XYLT1: variants seen among roughly 807,000 people sequenced by gnomAD.
XYLT1 encodes beta-D-xylosyltransferase 1.
XYLT1 carries 36 observed loss-of-function variants against 91.3 expected under a neutral mutation model. That is an observed-to-expected ratio of 0.39 (90% CI 0.30 to 0.52). XYLT1 has a LOEUF of 0.52. Ranked by LOEUF, XYLT1 falls within the 20% of genes least tolerant of loss-of-function variation. The pLI is 0.68. For missense variants in XYLT1, 1,242 were observed against 1,284.5 expected, an observed-to-expected ratio of 0.97 and a Z score of 0.51; for synonymous variants, 588 against 532.0, an observed-to-expected ratio of 1.11 and a Z score of -1.45.
At chr16:17,232,623 A>G (rs1480731243) in intron 3 of XYLT1, among the ~76,000 whole-genome samples, 1 of 151,624 alleles carries the variant, frequency 6.6e-6, no homozygotes, top group Non-Finnish European at 1.5e-5. Flanking sequence ...GATAGCTGTG[A>G]TGACTGTGAA....
At chr16:17,437,796 C>T (rs1011992259) in intron 1 of XYLT1, among the ~76,000 whole-genome samples, 5 of 152,162 alleles carry the variant, frequency 3.3e-5, no homozygotes, top group African/African-American at 9.7e-5. Context: ...TTAAAAAATA[C>T]AGTGAAGTTC....
At chr16:17,299,814 A>G (rs1362878306) in intron 2 of XYLT1, among the ~76,000 whole-genome samples, 4 of 152,204 alleles carry the variant, frequency 2.6e-5, no homozygotes, top group East Asian at 3.8e-4. Flanking sequence ...TTTCAGAAAG[A>G]CGAGGGACAC....
intron 3 of XYLT1, among the ~76,000 whole-genome samples, chr16:17,219,294 AAAAAAAAGAAAAAG>A (rs1286936476): frequency 4.1e-4 from 57 of 138,870 alleles, no homozygotes; most frequent in African/African-American, 1.7e-3. Context: ...AAAAAAAAAA[AAAAAAAAGAAAAAG>A]AAAAAAAAAG....
chr16:17,460,727 G>T (rs929462058), intron 1 of XYLT1, among the ~76,000 whole-genome samples: 7 of 152,214 alleles, frequency 4.6e-5, no homozygotes, highest in Admixed American at 4.6e-4. Context: ...CTGTATTGCC[G>T]GATCTTATGA....
chr16:17,132,998 C>G (rs1465272491), intron 9 of XYLT1, among the ~76,000 whole-genome samples: 1 of 152,318 alleles, frequency 6.6e-6, no homozygotes, highest in Non-Finnish European at 1.5e-5. Context: ...TTACTCTTCT[C>G]ATTTCACAGA....
chr16:17,314,014 C>G (rs2034589389), intron 2 of XYLT1, among the ~76,000 whole-genome samples: 1 of 152,208 alleles, frequency 6.6e-6, no homozygotes, highest in South Asian at 2.1e-4. Context: ...CTGGGAGGGT[C>G]AGGACACTGG....
In XYLT1 at chr16:17,197,012, A is replaced by C. The variant is rs556685482; in HGVS notation, c.1289+1200T>G. Reference sequence around the variant, plus strand: ...GGTGACAGAGCGAGACTCTGTCTCCAAAATATATATATATATATAGATATA... The same window carrying C: ...GGTGACAGAGCGAGACTCTGTCTCCCAAATATATATATATATATAGATATA... On this transcript the variant is annotated intron_variant, in intron 5 of 11. Transcript: ENST00000261381. 3.7e-3 allele frequency among the ~76,000 whole-genome samples: 331 copies of C among 89,512 alleles called. 15 individuals are homozygous for C. The highest frequency in any genetic ancestry group is 0.023 in the African/African-American group (317 of 14,080). The allele number at this position is 89,512 out of a possible 152,430, so 58.7% of individuals were successfully genotyped here.
intron 5 of XYLT1, among the ~76,000 whole-genome samples, chr16:17,165,919 G>A (rs1407320639): frequency 3.3e-5 from 5 of 152,202 alleles, no homozygotes; most frequent in African/African-American, 1.2e-4. Flanking sequence ...CAAACTACAC[G>A]GAATGAGACT....
At chr16:17,202,727 T>TAACACTTCATAGCATGTAACA in intron 3 of XYLT1, among the ~76,000 whole-genome samples, 1 of 152,216 alleles carries the variant, frequency 6.6e-6, no homozygotes, top group East Asian at 1.9e-4. Context: ...TGTAACACTG[T>TAACACTTCATAGCATGTAACA]CTGCAATTGT....
chr16:17,135,707 C>G (rs899949469), intron 8 of XYLT1, among the ~76,000 whole-genome samples: 36 of 152,208 alleles, frequency 2.4e-4, no homozygotes, highest in Admixed American at 9.8e-4. Context: ...AGAGATGGGA[C>G]GAAGAGTCAG....
intron 1 of XYLT1, among the ~76,000 whole-genome samples, chr16:17,439,326 T>C (rs543669758): frequency 4.6e-5 from 7 of 151,880 alleles, no homozygotes; most frequent in Non-Finnish European, 8.8e-5. Context: ...GACAGATGGG[T>C]GAAAGATTTT....
rs545474520 is a variant in XYLT1, at chr16:17,136,816, C to T, written c.1764+1539G>A. Among the ~76,000 whole-genome samples the T allele has an allele frequency of 1.3e-4, 20 of 152,208 alleles. No individual in the cohort carries two copies. In the South Asian group the frequency reaches 3.5e-3, roughly 27 times the overall value. On this transcript the variant is annotated intron_variant, in intron 8 of 11. Transcript: ENST00000261381. ...CTCTGCTTGCTGTGAACACATGAGG[C>T]ACTCCTTGTCAGAGGCTACAATGTC...
At chr16:17,123,332 G>A (rs12919462) in intron 10 of XYLT1, among the ~76,000 whole-genome samples, 97,957 of 151,998 alleles carry the variant, frequency 0.64, 32,569 homozygotes, top group Non-Finnish European at 0.71. Flanking sequence ...TCATTAAGGT[G>A]TGACCTTAGA....
At chr16:17,338,247 A>G (rs1363828731) in intron 2 of XYLT1, 3 of 456,344 alleles carry the variant, frequency 6.6e-6, no homozygotes, top group Admixed American at 4.7e-5. Flanking sequence ...GATCATCTCA[A>G]ACTGATCTTG....
At position 17,360,220 on chromosome 16, in the gene XYLT1, G is replaced by A. The variant is rs79789980; in HGVS notation, c.364-2170C>T. On this transcript the variant is annotated intron_variant, in intron 1 of 11. Transcript: ENST00000261381. ...TAAGCTGTACTTCACAGACCATTTGGCTATTGTCTGAGACTTAATGCTTCA... is the reference window on the plus strand; with the variant it reads ...TAAGCTGTACTTCACAGACCATTTGACTATTGTCTGAGACTTAATGCTTCA... 8.5e-3 allele frequency among the ~76,000 whole-genome samples: 1,298 copies of A among 152,294 alleles called. 20 individuals carry two copies. The highest frequency in any genetic ancestry group is 0.015 in the East Asian group (80 of 5,180).
At chr16:17,244,902 A>G (rs1443119212) in intron 3 of XYLT1, among the ~76,000 whole-genome samples, 2 of 152,204 alleles carry the variant, frequency 1.3e-5, no homozygotes, top group Non-Finnish European at 2.9e-5. Flanking sequence ...ATGTGCAACA[A>G]CAACAAAAAA....
chr16:17,441,854 G>C (rs1482871637), intron 1 of XYLT1, among the ~76,000 whole-genome samples: 1 of 152,156 alleles, frequency 6.6e-6, no homozygotes, highest in Non-Finnish European at 1.5e-5. Flanking sequence ...TGAGCTTCCA[G>C]AGCTTAAACG....
At position 17,203,564 on chromosome 16, in the gene XYLT1, CCATCCATCCACCCACT is replaced by C. The variant is rs2032583143; in HGVS notation, c.914-2926_914-2911del. ...CATCTAAATCCAACCACTTATCTGT[CCATCCATCCACCCACT>C]CATCCATCCCTCCACCCATCCACCC... On this transcript the variant is annotated intron_variant, in intron 3 of 11. Transcript: ENST00000261381. Among the ~76,000 whole-genome samples, 8 of 151,954 alleles carry C rather than the reference CCATCCATCCACCCACT, an allele frequency of 5.3e-5. 1 individual carries two copies. The South Asian group carries it at 1.7e-3, about 32-fold the overall frequency.
intron 1 of XYLT1, among the ~76,000 whole-genome samples, chr16:17,461,327 GTA>G (rs1217971573): frequency 6.6e-6 from 1 of 152,230 alleles, no homozygotes; most frequent in East Asian, 1.9e-4. Flanking sequence ...ATGGGAAAGG[GTA>G]TAGGCAATGA....
Sources: gnomAD v4.1 joint callset for allele counts (sites outside exome capture counted in the v4.1 genomes callset) on GRCh38, gnomAD v4.1.1 for gene constraint, MANE v1.5 for transcripts, NCBI Gene and HGNC (gene_info 2026-07-23, HGNC 2026-07-21) for gene names.